ANKS1B: variants seen among roughly 807,000 people sequenced by gnomAD.
The protein encoded by ANKS1B is ankyrin repeat and sterile alpha motif domain-containing protein 1B.
In ANKS1B, 36 loss-of-function variants were observed where a neutral mutation model predicts 148.3. The ratio of observed to expected loss-of-function variants is 0.24; its 90% CI spans 0.19 to 0.32. The LOEUF (loss-of-function observed/expected upper bound fraction) is 0.32. Ranked by LOEUF, ANKS1B falls within the 10% of genes least tolerant of loss-of-function variation. ANKS1B has a pLI of 1.00. For missense variants in ANKS1B, 1,157 were observed against 1,542.6 expected, an observed-to-expected ratio of 0.75 and a Z score of 4.19; for synonymous variants, 542 against 560.8, an observed-to-expected ratio of 0.97 and a Z score of 0.47.
chr12:99,466,675 A>AC (rs1436782445), intron 10 of ANKS1B, among the ~76,000 whole-genome samples: 1 of 151,898 alleles, frequency 6.6e-6, no homozygotes, highest in African/African-American at 2.4e-5. Context: ...ATGCAAATAA[A>AC]CTAGAAAATC....
intron 17 of ANKS1B, chr12:98,895,384 G>A (rs902933340): frequency 1.1e-3 from 1,012 of 897,066 alleles, no homozygotes; most frequent in Non-Finnish European, 1.3e-3. Flanking sequence ...CCAGGTGACC[G>A]GCTCGGCAGC....
At chr12:99,833,095 A>G (rs1284786532) in intron 1 of ANKS1B, among the ~76,000 whole-genome samples, 1 of 152,256 alleles carries the variant, frequency 6.6e-6, no homozygotes, top group African/African-American at 2.4e-5. Context: ...ACATGCAAAA[A>G]TACATTATTC....
At chr12:98,915,642 C>A (rs189729003) in intron 17 of ANKS1B, among the ~76,000 whole-genome samples, 4 of 152,142 alleles carry the variant, frequency 2.6e-5, no homozygotes, top group African/African-American at 9.7e-5. Flanking sequence ...CATGAGCCAT[C>A]GTGCCTGGCC....
At chr12:98,943,442 G>T (rs2099840210) in intron 17 of ANKS1B, among the ~76,000 whole-genome samples, 1 of 152,172 alleles carries the variant, frequency 6.6e-6, no homozygotes, top group Non-Finnish European at 1.5e-5. Context: ...TATTTGCCCA[G>T]ATCTTACTGG....
intron 1 of ANKS1B, among the ~76,000 whole-genome samples, chr12:99,840,046 A>G (rs955951484): frequency 2.6e-5 from 4 of 152,170 alleles, no homozygotes; most frequent in Non-Finnish European, 4.4e-5. Flanking sequence ...AAGGCTGTAC[A>G]GAAAAAAGAC....
At chr12:98,853,357 G>A (rs1424745083) in intron 17 of ANKS1B, among the ~76,000 whole-genome samples, 3 of 152,176 alleles carry the variant, frequency 2.0e-5, no homozygotes, top group East Asian at 1.9e-4. Context: ...GGAATTATAT[G>A]TGCTTCCTCC....
chr12:99,306,032 C>A (rs1432866701), intron 12 of ANKS1B, among the ~76,000 whole-genome samples: 1 of 152,038 alleles, frequency 6.6e-6, no homozygotes, highest in African/African-American at 2.4e-5. Context: ...TTTGACTATG[C>A]ACAAGAATTT....
chr12:98,864,568 C>A (rs979785624), intron 17 of ANKS1B, among the ~76,000 whole-genome samples: 16 of 152,294 alleles, frequency 1.1e-4, no homozygotes, highest in African/African-American at 3.8e-4. Flanking sequence ...GAACAAAGGA[C>A]TGACCTCCCG....
rs2094382670 is a variant in ANKS1B at position 99,400,765 on chromosome 12, TAA to T, written c.1576-956_1576-955del. The stretch of plus-strand genomic sequence containing the variant: ...CAAATGTAAACTTTTTATAATAAGG[TAA>T]AGTTTATTGTACTTTACTTTCTCCA... On this transcript the variant is annotated intron_variant, in intron 11 of 26. Transcript: ENST00000683438. 2.1e-5 allele frequency among the ~76,000 whole-genome samples: 3 copies of T among 145,352 alleles called. 1 individual carries two copies. The highest frequency in any genetic ancestry group is 3.3e-3 in the Middle Eastern group (1 of 306).
At chr12:99,639,887 A>C (rs2098283500) in intron 9 of ANKS1B, among the ~76,000 whole-genome samples, 1 of 152,148 alleles carries the variant, frequency 6.6e-6, no homozygotes, top group Non-Finnish European at 1.5e-5. Context: ...AAATGGTCAG[A>C]TAGGCTGGGC....
chr12:99,775,048 G>T (rs183173260), intron 7 of ANKS1B, among the ~76,000 whole-genome samples: 2 of 151,814 alleles, frequency 1.3e-5, no homozygotes, highest in African/African-American at 2.4e-5. Flanking sequence ...CAGTTATGGG[G>T]GATTAATAAA....
chr12:99,303,640 C>T (rs1052112660), intron 12 of ANKS1B, among the ~76,000 whole-genome samples: 5 of 152,006 alleles, frequency 3.3e-5, no homozygotes, highest in Middle Eastern at 3.4e-3. Flanking sequence ...TTTATTTTTA[C>T]GTATTTCAAT....
chr12:99,480,188 G>A (rs952570910), intron 10 of ANKS1B, among the ~76,000 whole-genome samples: 1 of 151,538 alleles, frequency 6.6e-6, no homozygotes, highest in East Asian at 1.9e-4. Context: ...TAATTATATT[G>A]ATTTGTTTTA....
At chr12:99,876,107 C>G (rs1007375771) in intron 1 of ANKS1B, among the ~76,000 whole-genome samples, 1 of 152,264 alleles carries the variant, frequency 6.6e-6, no homozygotes, top group South Asian at 2.1e-4. Flanking sequence ...GACCTGGACA[C>G]AGGTGTCCTA....
chr12:99,656,906 C>G (rs7966311), intron 8 of ANKS1B, among the ~76,000 whole-genome samples: 20,113 of 152,036 alleles, frequency 0.13, 1,993 homozygotes, highest in East Asian at 0.45. Flanking sequence ...CATCCTCCCC[C>G]CAAAATTGTT....
intron 4 of ANKS1B, among the ~76,000 whole-genome samples, 154 bp from the exon 5 acceptor site, chr12:99,782,251 T>TA (rs2064414680): frequency 1.3e-5 from 2 of 152,214 alleles, no homozygotes; most frequent in Non-Finnish European, 2.9e-5. Flanking sequence ...GAAGAGATTC[T>TA]AAAAGCAAAA....
chr12:99,630,448 GAA>G (rs993139039), intron 9 of ANKS1B, among the ~76,000 whole-genome samples: 1 of 150,124 alleles, frequency 6.7e-6, no homozygotes, highest in Non-Finnish European at 1.5e-5. Flanking sequence ...GAATAATAAA[GAA>G]AAAAAAAGAG....
In ANKS1B at chr12:99,222,015, C is replaced by T. The variant is rs374422635; in HGVS notation, c.2419+22327G>A. On this transcript the variant is annotated intron_variant, in intron 14 of 26. Coordinates refer to ENST00000683438, the MANE Select transcript of ANKS1B (RefSeq NM_001352186.2). ...CATAAAACATTCACACAACTAAATA[C>T]CAGAAAGTGCTCTATGTTCTACTGT... Among the ~76,000 whole-genome samples the T allele has an allele frequency of 4.7e-4, 71 of 151,798 alleles. 1 individual carries two copies. In the East Asian group the frequency reaches 0.013, roughly 28 times the overall value.
At chr12:99,549,530 A>G (rs978411719) in intron 9 of ANKS1B, among the ~76,000 whole-genome samples, 5 of 152,092 alleles carry the variant, frequency 3.3e-5, no homozygotes, top group African/African-American at 1.2e-4. Context: ...TTTTCTTTCT[A>G]TCTTTCATAA....
Sources: gnomAD v4.1 joint callset for allele counts (sites outside exome capture counted in the v4.1 genomes callset) on GRCh38, gnomAD v4.1.1 for gene constraint, MANE v1.5 for transcripts, NCBI Gene and HGNC (gene_info 2026-07-23, HGNC 2026-07-21) for gene names.